Variants in UNC13C observed in about 807,000 individuals in gnomAD.
UNC13C encodes unc-13 homolog C, also known as protein unc-13 homolog C.
A neutral mutation model predicts 245.4 loss-of-function variants in UNC13C; 174 were observed. That is an observed-to-expected ratio of 0.71 (90% CI 0.63 to 0.80). The LOEUF (loss-of-function observed/expected upper bound fraction) is 0.80, where lower values mean the gene tolerates loss of function less well. UNC13C is among the 30% of genes least tolerant of loss of function. UNC13C has a pLI of 0.00. For synonymous variants in UNC13C, 992 were observed against 895.1 expected (o/e 1.11, Z -1.93); for missense variants, 2,829 against 2,602.9 (o/e 1.09, Z -1.89).
At chr15:53,844,234 G>T in the UNC13C span, among the ~76,000 whole-genome samples, 1,021 of 152,272 alleles carry the variant, frequency 6.7e-3, 6 homozygotes, top group Non-Finnish European at 9.6e-3. Context: ...TCACCACTGA[G>T]AATTTTAATA....
intron 1 of UNC13C, among the ~76,000 whole-genome samples, chr15:54,007,947 A>T (rs1323641193): frequency 6.6e-6 from 1 of 152,162 alleles, no homozygotes; most frequent in East Asian, 1.9e-4. Context: ...TTGAAAGTTA[A>T]CCTCTAAATA....
At chr15:53,864,400 G>T in the UNC13C span, among the ~76,000 whole-genome samples, 1 of 152,134 alleles carries the variant, frequency 6.6e-6, no homozygotes, top group African/African-American at 2.4e-5. Flanking sequence ...TTTTTCCTCA[G>T]TTTACTCTTT....
the UNC13C span, among the ~76,000 whole-genome samples, chr15:53,879,493 T>G: frequency 6.6e-6 from 1 of 152,224 alleles, no homozygotes; most frequent in Non-Finnish European, 1.5e-5. Flanking sequence ...AATGCATGTA[T>G]GGAAATAGTA....
intron 30 of UNC13C, among the ~76,000 whole-genome samples, chr15:54,605,285 C>A (rs565634378): frequency 1.3e-5 from 2 of 152,310 alleles, no homozygotes; most frequent in South Asian, 4.1e-4. Flanking sequence ...CATGTAGAAT[C>A]ACTGAAACTG....
chr15:53,977,803 A>T (rs1228092822), upstream of UNC13C, among the ~76,000 whole-genome samples: 1 of 152,208 alleles, frequency 6.6e-6, no homozygotes, highest in Non-Finnish European at 1.5e-5. Flanking sequence ...CAGATCTTTA[A>T]AATGTTAACA....
At chr15:54,595,028 G>A (rs1186896283) in intron 30 of UNC13C, among the ~76,000 whole-genome samples, 1 of 152,228 alleles carries the variant, frequency 6.6e-6, no homozygotes, top group Non-Finnish European at 1.5e-5. Flanking sequence ...ATTAAACAGT[G>A]AAGGAGAATT....
intron 13 of UNC13C, among the ~76,000 whole-genome samples, chr15:54,317,445 A>G (rs1282942236): frequency 1.3e-5 from 2 of 151,952 alleles, no homozygotes; most frequent in African/African-American, 2.4e-5. Flanking sequence ...TATTTTTATC[A>G]TCAAGATATT....
At chr15:53,917,451 T>G in the UNC13C span, among the ~76,000 whole-genome samples, 1 of 152,216 alleles carries the variant, frequency 6.6e-6, no homozygotes. Flanking sequence ...AAGGAACTCC[T>G]AAAAGTGAGT....
intron 2 of UNC13C, among the ~76,000 whole-genome samples, chr15:54,102,052 A>G (rs531331528): frequency 5.0e-4 from 75 of 149,320 alleles, no homozygotes; most frequent in African/African-American, 1.7e-3. Flanking sequence ...TGCCTACTAG[A>G]TCCTGTGTGA....
the UNC13C span, among the ~76,000 whole-genome samples, chr15:53,869,675 G>C: frequency 1.3e-5 from 2 of 152,196 alleles, no homozygotes; most frequent in African/African-American, 4.8e-5. Flanking sequence ...CTGGCTAAGG[G>C]TCTGAGCCCC....
chr15:54,551,176 C>T (rs1001404404), intron 28 of UNC13C, among the ~76,000 whole-genome samples: 2 of 152,074 alleles, frequency 1.3e-5, no homozygotes, highest in Non-Finnish European at 2.9e-5. Context: ...CAACTCTGCC[C>T]TTCTCCTTGT....
intron 4 of UNC13C, among the ~76,000 whole-genome samples, chr15:54,146,587 G>T (rs772969344): frequency 2.0e-5 from 3 of 152,188 alleles, no homozygotes; most frequent in Non-Finnish European, 4.4e-5. Flanking sequence ...CTGGAAGAGG[G>T]ACAGAGAAGA....
At chr15:54,374,752 C>T (rs1302914071) in intron 17 of UNC13C, among the ~76,000 whole-genome samples, 1 of 152,206 alleles carries the variant, frequency 6.6e-6, no homozygotes, top group Admixed American at 6.5e-5. Context: ...GTTCCTGGCT[C>T]CTGCTAGCTC....
At chr15:54,510,677 A>G (rs1894697723) in intron 23 of UNC13C, among the ~76,000 whole-genome samples, 1 of 152,158 alleles carries the variant, frequency 6.6e-6, no homozygotes, top group Non-Finnish European at 1.5e-5. Flanking sequence ...AAGTAATAAT[A>G]AAATCTTTCC....
Position 54,103,957 on chromosome 15 carries a change from A to G in UNC13C, c.2984-39061A>G, listed in dbSNP as rs1047453045. Among the ~76,000 whole-genome samples the G allele has an allele frequency of 1.3e-4, 17 of 126,154 alleles. No individual in the cohort carries two copies. The Admixed American group carries it at 1.4e-3, about 11-fold the overall frequency. The allele number at this position is 126,154 out of a possible 152,430, so 82.8% of individuals were successfully genotyped here. ...ACAGGGTTTCACCGTGTTGGCCAGG[A>G]TGGTCTCAATCTCTTGACCTCGTGA... On this transcript the variant is annotated intron_variant, in intron 2 of 32. Coordinates refer to ENST00000260323, the MANE Select transcript of UNC13C (RefSeq NM_001080534.3).
intron 4 of UNC13C, among the ~76,000 whole-genome samples, chr15:54,190,352 A>G (rs1312421645): frequency 6.6e-6 from 1 of 152,172 alleles, no homozygotes; most frequent in Non-Finnish European, 1.5e-5. Context: ...CTACATAGCA[A>G]TAAGCAAATC....
At chr15:53,878,785 G>T in the UNC13C span, among the ~76,000 whole-genome samples, 3 of 152,242 alleles carry the variant, frequency 2.0e-5, no homozygotes, top group South Asian at 6.2e-4. Context: ...TTTGTTATAA[G>T]TGTCTTATTG....
chr15:54,092,102 T>C (rs983782600), intron 2 of UNC13C, among the ~76,000 whole-genome samples: 7 of 152,210 alleles, frequency 4.6e-5, no homozygotes, highest in African/African-American at 1.7e-4. Context: ...ATTCTCCACA[T>C]TTTGACCCTT....
intron 1 of UNC13C, among the ~76,000 whole-genome samples, chr15:54,007,115 A>C (rs1330771809): frequency 6.6e-6 from 1 of 152,220 alleles, no homozygotes; most frequent in Admixed American, 6.5e-5. Context: ...AATTTCTTTT[A>C]AATCAGCAAT....
Sources: gnomAD v4.1 joint callset for allele counts (sites outside exome capture counted in the v4.1 genomes callset) on GRCh38, gnomAD v4.1.1 for gene constraint, MANE v1.5 for transcripts, NCBI Gene and HGNC (gene_info 2026-07-23, HGNC 2026-07-21) for gene names.